UBAP2: variants seen among roughly 807,000 people sequenced by gnomAD.
The protein encoded by UBAP2 is ubiquitin-associated protein 2.
UBAP2 carries 75 observed loss-of-function variants against 139.6 expected under a neutral mutation model. The observed-to-expected ratio is 0.54, with a 90% confidence interval of 0.45 to 0.65. The LOEUF is 0.65. Ranked by LOEUF, UBAP2 falls within the 30% of genes least tolerant of loss-of-function variation. UBAP2 has a pLI of 0.00. For synonymous variants in UBAP2, 526 were observed against 526.2 expected, an observed-to-expected ratio of 1.00 and a Z score of 0.01; for missense variants, 1,368 against 1,369.6, an observed-to-expected ratio of 1.00 and a Z score of 0.02.
At chr9:34,014,515 G>A (rs1279867149) in intron 2 of UBAP2, among the ~76,000 whole-genome samples, 1 of 151,908 alleles carries the variant, frequency 6.6e-6, no homozygotes, top group East Asian at 1.9e-4. Context: ...TGTAATCCCA[G>A]CTACTTGAGA....
rs1352242655 is a variant in UBAP2 at position 33,971,130 on chromosome 9, A to G, written c.679+521T>C. The stretch of plus-strand genomic sequence containing the variant: ...ATTATGTTTCTATAAGTATAATCTC[A>G]ATAATTACTGTACAAAGAACTCTAT... On this transcript the variant is annotated intron_variant, in intron 8 of 28. Transcript: ENST00000379238. 2.0e-5 allele frequency among the ~76,000 whole-genome samples: 3 copies of G among 152,256 alleles called. No homozygotes were observed. The East Asian group carries it at 5.8e-4, about 29-fold the overall frequency.
At position 34,048,616 on chromosome 9, in the gene UBAP2, G is replaced by A. The variant is rs1251789364; in HGVS notation, c.-42+209C>T. ...AAAGTAGGAAGAAGCACAGGGCAAC[G>A]TGAGGGGAAGAGGAAGGAGGGAGCC... On this transcript the variant is annotated intron_variant, in intron 1 of 28. Transcript: ENST00000379238. 3.9e-5 allele frequency among the ~76,000 whole-genome samples: 6 copies of A among 152,278 alleles called. No homozygotes were observed. The South Asian group carries it at 1.2e-3, about 32-fold the overall frequency.
intron 17 of UBAP2, chr9:33,935,469 G>A (rs887129146): frequency 4.4e-6 from 1 of 225,908 alleles, no homozygotes; most frequent in Non-Finnish European, 8.6e-6. Context: ...GTTTCACCAT[G>A]TTGCCCAGGG....
intron 2 of UBAP2, among the ~76,000 whole-genome samples, chr9:34,004,155 A>G (rs1224992402): frequency 6.6e-6 from 1 of 152,218 alleles, no homozygotes; most frequent in Non-Finnish European, 1.5e-5. Flanking sequence ...TATATACTCA[A>G]CGAGCAGTAA....
At chr9:33,989,853 C>G (rs763664200) in intron 4 of UBAP2, among the ~76,000 whole-genome samples, 1 of 152,116 alleles carries the variant, frequency 6.6e-6, no homozygotes. Flanking sequence ...ACAACCTTGC[C>G]TGTTCCATTA....
chr9:34,035,025 A>G (rs994958820), intron 1 of UBAP2, among the ~76,000 whole-genome samples: 1 of 152,208 alleles, frequency 6.6e-6, no homozygotes, highest in Non-Finnish European at 1.5e-5. Context: ...ACTGTATTTC[A>G]CAAAATGAAT....
intron 1 of UBAP2, among the ~76,000 whole-genome samples, chr9:34,037,843 C>T: frequency 6.6e-6 from 1 of 151,606 alleles, no homozygotes; most frequent in South Asian, 2.1e-4. Context: ...ATACAGAAAC[C>T]CCGACTGGAT....
rs60078088 is a variant in UBAP2, at chr9:33,954,269, T to TACACACACACACACACACACAC, written c.867-817_867-796dup. Among the ~76,000 whole-genome samples, 1,081 of 139,870 alleles carry TACACACACACACACACACACAC rather than the reference T, an allele frequency of 7.7e-3. 9 individuals are homozygous for TACACACACACACACACACACAC. Among genetic ancestry groups the TACACACACACACACACACACAC allele is most frequent in the Middle Eastern group, 0.018 (5 of 282 alleles). 91.8% of individuals were successfully genotyped at this position (139,870 alleles called of 152,430 possible). Reference sequence around the variant, plus strand: ...CATAATACATTTAAGTGTGTGTATATACACACACACACACACACACACACA... The same window carrying TACACACACACACACACACACAC: ...CATAATACATTTAAGTGTGTGTATATACACACACACACACACACACACACACACACACACACACACACACACA... On this transcript the variant is annotated intron_variant, in intron 11 of 28. Coordinates refer to ENST00000379238, the MANE Select transcript of UBAP2 (RefSeq NM_001370062.2).
intron 1 of UBAP2, among the ~76,000 whole-genome samples, chr9:34,035,532 T>TATATATATATATATATATATATATA (rs1466687163): frequency 9.6e-6 from 1 of 104,142 alleles, no homozygotes. Context: ...TATATAAAGA[T>TATATATATATATATATATATATATA]TAGCCAGGTT....
intron 2 of UBAP2, among the ~76,000 whole-genome samples, chr9:34,005,434 CAAAAA>C (rs36086568): frequency 1.2e-5 from 1 of 86,276 alleles, no homozygotes; most frequent in Non-Finnish European, 2.2e-5. Flanking sequence ...GACCCTGTCT[CAAAAA>C]AAAAAAAAAA....
chr9:34,021,328 A>C (rs1824923481), intron 1 of UBAP2, among the ~76,000 whole-genome samples: 1 of 152,222 alleles, frequency 6.6e-6, no homozygotes, highest in South Asian at 2.1e-4. Flanking sequence ...CCAATTATCT[A>C]GAATTTCTCA....
upstream of UBAP2, among the ~76,000 whole-genome samples, chr9:34,049,130 T>G (rs1827893400): frequency 6.6e-6 from 1 of 152,270 alleles, no homozygotes; most frequent in Admixed American, 6.5e-5. Flanking sequence ...CTCGGAGTCA[T>G]CAGGAGAGTA....
In UBAP2 at chr9:34,035,514, A is replaced by AAAAAAAAAATATATATATATATAT; in HGVS notation, c.-42+13310_-42+13311insATATATATATATATATTTTTTTTT. On this transcript the variant is annotated intron_variant, in intron 1 of 28. Coordinates refer to ENST00000379238, the MANE Select transcript of UBAP2 (RefSeq NM_001370062.2). ...GAGACTCCATCTAAAAAAAAAAAAA[A>AAAAAAAAAATATATATATATATAT]ATATATATATATAAAGATTAGCCAG... Among the ~76,000 whole-genome samples the AAAAAAAAAATATATATATATATAT allele has an allele frequency of 4.0e-4, 9 of 22,486 alleles. 1 individual carries two copies. Among genetic ancestry groups the AAAAAAAAAATATATATATATATAT allele is most frequent in the South Asian group, 1.9e-3 (2 of 1,032 alleles). 14.8% of individuals were successfully genotyped at this position (22,486 alleles called of 152,430 possible). A position where few individuals can be genotyped will look rare whatever the true frequency, so the allele number is the denominator to read the frequency against.
intron 5 of UBAP2, 85 bp downstream of exon 5, chr9:33,988,888 T>C (rs1587619564): frequency 6.8e-7 from 1 of 1,473,564 alleles, no homozygotes; most frequent in African/African-American, 1.4e-5. Context: ...CTCATGCCTG[T>C]AATCCCAAAA....
intron 2 of UBAP2, among the ~76,000 whole-genome samples, chr9:34,013,620 T>C (rs1452924256): frequency 1.3e-5 from 2 of 152,150 alleles, no homozygotes; most frequent in African/African-American, 4.8e-5. Context: ...CTCATGCCTT[T>C]AATCCCAGCA....
At chr9:33,941,175 G>A (rs1379885232) in intron 16 of UBAP2, among the ~76,000 whole-genome samples, 2 of 152,134 alleles carry the variant, frequency 1.3e-5, no homozygotes, top group African/African-American at 2.4e-5. Context: ...GAATCTAGAA[G>A]GGTAAAACTT....
intron 9 of UBAP2, among the ~76,000 whole-genome samples, chr9:33,962,595 G>C (rs535405552): frequency 3.2e-4 from 48 of 151,854 alleles, no homozygotes; most frequent in Admixed American, 2.8e-3. Context: ...GCAGTGAGCT[G>C]AGATCATGCC....
At chr9:33,974,830 C>G (rs1276418343) in intron 6 of UBAP2, among the ~76,000 whole-genome samples, 3 of 150,730 alleles carry the variant, frequency 2.0e-5, no homozygotes, top group Non-Finnish European at 4.4e-5. Flanking sequence ...GTCCCAGGTA[C>G]TCGGGAGGCT....
At chr9:34,025,322 G>T (rs1422113611) in intron 1 of UBAP2, among the ~76,000 whole-genome samples, 1 of 152,192 alleles carries the variant, frequency 6.6e-6, no homozygotes, top group African/African-American at 2.4e-5. Flanking sequence ...CACTGGAACA[G>T]GTTCCAAGAG....
Sources: allele counts gnomAD v4.1 joint callset (sites outside exome capture counted in the v4.1 genomes callset), GRCh38; gene constraint gnomAD v4.1.1; transcripts MANE v1.5; gene names NCBI Gene and HGNC (gene_info 2026-07-23, HGNC 2026-07-21).